Variants in SH3TC1 observed in about 807,000 individuals in gnomAD.
The protein encoded by SH3TC1 is SH3 domain and tetratricopeptide repeats 1, also known as SH3 domain and tetratricopeptide repeat-containing protein 1.
A neutral mutation model predicts 117.3 loss-of-function variants in SH3TC1; 135 were observed. The ratio of observed to expected loss-of-function variants is 1.15; its 90% CI spans 1.00 to 1.33. The LOEUF is 1.33. Among genes scored for constraint, SH3TC1 ranks in the 40% most tolerant of loss-of-function variants. The pLI is 0.00. For synonymous variants in SH3TC1, 898 were observed against 816.9 expected (o/e 1.10, Z -1.69); for missense variants, 2,092 against 1,794.3 (o/e 1.17, Z -3.00).
intron 1 of SH3TC1, chr4:8,182,273 C>G (rs1007514130): frequency 6.6e-6 from 1 of 152,228 alleles, no homozygotes; most frequent in African/African-American, 2.4e-5. Context: ...AGGCTAAAGC[C>G]CTCAGCCCCA....
At chr4:8,199,854 C>A (rs766344139) in intron 1 of SH3TC1, among the ~76,000 whole-genome samples, 1 of 152,202 alleles carries the variant, frequency 6.6e-6, no homozygotes, top group Non-Finnish European at 1.5e-5. Context: ...CACCCGGCAC[C>A]GCAGTGGCTA....
intron 17 of SH3TC1, 57 bp from the exon 18 acceptor site, chr4:8,240,641 C>T (rs1722243582): frequency 1.2e-6 from 2 of 1,605,668 alleles, no homozygotes; most frequent in South Asian, 1.1e-5. Context: ...CAGGAACGGC[C>T]TCTGGGGAGA....
chr4:8,228,082 C>G lies in SH3TC1; in HGVS notation c.2388C>G (p.Tyr796Ter). 6.2e-7 allele frequency: 1 copy of G among 1,607,708 alleles called. No individual in the cohort carries two copies. Among genetic ancestry groups the G allele is most frequent in the South Asian group, 1.1e-5 (1 of 90,382 alleles). ...TCTACACCAGCTTGGCCCAGCTGTA[C>G]AGCCACCATGGCTGCCACGGCCCGG... ...GPLYTSLAQL[Y>*]SHHGCHGPAI... The change falls in exon 12 of 18, where the codon TAC becomes TAG. Residue 796 changes from tyrosine to a stop codon, truncating the protein, a stop_gained. Transcript: ENST00000245105. LOFTEE classifies it high-confidence loss of function.
At chr4:8,217,640 T>G (rs1271616887) in intron 7 of SH3TC1, among the ~76,000 whole-genome samples, 2 of 152,196 alleles carry the variant, frequency 1.3e-5, no homozygotes, top group East Asian at 3.8e-4. Flanking sequence ...AACCTCAATC[T>G]CTTGATTTGC....
chr4:8,227,920 C>T lies in SH3TC1; in HGVS notation c.2226C>T (p.Ala742=), dbSNP rs138475779. The T allele has an allele frequency of 4.5e-4, 730 of 1,612,560 alleles. No individual in the cohort carries two copies. The highest frequency in any genetic ancestry group is 5.9e-4 in the Non-Finnish European group (702 of 1,179,914). Residue 742 remains alanine (A), a synonymous_variant, in exon 12 of 18, where the codon GCC becomes GCT. Transcript: ENST00000245105. The part of the protein sequence containing the change: ...VASLRTRGSL[A]GSLRSVNLVL... ...CATTGCGGACACGGGGCTCGCTGGC[C>T]GGCTCGCTGAGGAGTGTGAACCTGG...
Position 8,183,909 on chromosome 4 carries a change from G to A in SH3TC1, c.-57+1699G>A, listed in dbSNP as rs879699152. On this transcript the variant is annotated intron_variant, in intron 1 of 16. Coordinates refer to the SH3TC1 transcript ENST00000508641. This position sits in a 1 kb window ranked among gnomAD's most constrained non-coding sequence, Gnocchi z 5.4. ...CATGGTGGTGGGCATTCACCACCAT[G>A]CCCAACTAATTTTTGTATTTTTAGT... 1.1e-4 allele frequency among the ~76,000 whole-genome samples: 17 copies of A among 152,124 alleles called. No individual in the cohort carries two copies. The highest frequency in any genetic ancestry group is 2.2e-4 in the Non-Finnish European group (15 of 68,022).
chr4:8,213,727 G>A (rs1005348192), intron 4 of SH3TC1, among the ~76,000 whole-genome samples: 6 of 152,026 alleles, frequency 3.9e-5, no homozygotes, highest in Non-Finnish European at 4.4e-5. Flanking sequence ...GGGAGACCTC[G>A]TCTCTACAAA....
At chr4:8,214,670 C>T (rs59032130) in intron 5 of SH3TC1, 90 bp downstream of exon 5, 92,448 of 972,310 alleles carry the variant, frequency 0.095, 6,478 homozygotes, top group African/African-American at 0.31. Flanking sequence ...CAAACTGGTG[C>T]TTTGTTTATT....
chr4:8,222,391 T>TTTTC (rs1720017185), intron 9 of SH3TC1, among the ~76,000 whole-genome samples: 1 of 72,930 alleles, frequency 1.4e-5, no homozygotes, highest in African/African-American at 5.0e-5. Flanking sequence ...TTTTTTTTTT[T>TTTTC]CAGACAAAGT....
chr4:8,228,719 A>C, intron 12 of SH3TC1, 75 bp downstream of exon 12: 1 of 1,233,482 alleles, frequency 8.1e-7, no homozygotes, highest in Non-Finnish European at 1.1e-6. Context: ...TGTGATTCAG[A>C]CACAAGCGGT....
In SH3TC1 at chr4:8,209,589, G is replaced by C; in HGVS notation, c.173-159G>C. The C allele has an allele frequency of 6.6e-7, 1 of 1,521,958 alleles. No homozygotes were observed. The highest frequency in any genetic ancestry group is 8.8e-7 in the Non-Finnish European group (1 of 1,133,946). 94.3% of individuals were successfully genotyped at this position (1,521,958 alleles called of 1,614,324 possible). ...TGCAGGCAGCTTCCCTCCTTGCTGG[G>C]CTCTGGGGAGACTGGAGGAAGGCAG... On this transcript the variant is annotated intron_variant, in intron 2 of 17. Coordinates refer to ENST00000245105, the MANE Select transcript of SH3TC1 (RefSeq NM_018986.5). The surrounding 1 kb of genome is among the most constrained non-coding windows in gnomAD (Gnocchi z 5.9).
upstream of SH3TC1, among the ~76,000 whole-genome samples, chr4:8,194,821 C>T (rs919504359): frequency 2.0e-5 from 3 of 152,158 alleles, no homozygotes; most frequent in African/African-American, 4.8e-5. Flanking sequence ...CCCTGGAAAA[C>T]CCCAGACTCC....
At chr4:8,231,886 AG>A in intron 12 of SH3TC1, 89 bp from the exon 13 acceptor site, 1 of 1,452,420 alleles carries the variant, frequency 6.9e-7, no homozygotes, top group Non-Finnish European at 9.4e-7. Flanking sequence ...GAGGTGTGAA[AG>A]AGGCAAGCAC....
Position 8,210,066 on chromosome 4 carries a change from A to AC in SH3TC1, c.247+245dup, listed in dbSNP as rs1430887244. Among the ~76,000 whole-genome samples the AC allele has an allele frequency of 5.9e-5, 9 of 152,166 alleles. No individual in the cohort carries two copies. Among genetic ancestry groups the AC allele is most frequent in the African/African-American group, 2.2e-4 (9 of 41,444 alleles). The stretch of plus-strand genomic sequence containing the variant: ...GTGTGCACCTGCACAAACGGCAGAC[A>AC]CGGTCCTGGGGGCTCCGTGGGTGAC... On this transcript the variant is annotated intron_variant, in intron 3 of 17. Coordinates refer to ENST00000245105, the MANE Select transcript of SH3TC1 (RefSeq NM_018986.5). The surrounding 1 kb of genome is among the most constrained non-coding windows in gnomAD (Gnocchi z 4.1).
At position 8,211,522 on chromosome 4, in the gene SH3TC1, C is replaced by T. The variant is rs1467357642; in HGVS notation, c.248-1179C>T. Among the ~76,000 whole-genome samples the T allele has an allele frequency of 1.4e-4, 4 of 29,048 alleles. 1 individual carries two copies. In the Admixed American group the frequency reaches 2.8e-3, roughly 20 times the overall value. 19.1% of individuals were successfully genotyped at this position (29,048 alleles called of 152,430 possible). A position where few individuals can be genotyped will look rare whatever the true frequency, so the allele number is the denominator to read the frequency against. On this transcript the variant is annotated intron_variant, in intron 3 of 17. Transcript: ENST00000245105. ...TCCCCTCTCCCTGCTCTCCTTCTCC[C>T]CTTCTACTCCTCATTCTCTTCCCCT... is the stretch of plus-strand genomic sequence containing the variant.
rs1446338800 is a variant in SH3TC1 at position 8,240,803 on chromosome 4, T to G, written c.3859T>G (p.Tyr1287Asp). 1 of 1,614,130 alleles carries G rather than the reference T, an allele frequency of 6.2e-7. No homozygotes were observed. Among genetic ancestry groups the G allele is most frequent in the Non-Finnish European group, 8.5e-7 (1 of 1,180,034 alleles). Reference protein sequence around the residue: ...LKIYTRLATIYHNFLLDREKS... With the variant: ...LKIYTRLATIDHNFLLDREKS... ...GATCTACACGCGGCTGGCCACCATC[T>G]ACCACAACTTCCTCCTGGACCGTGA... The change falls in exon 18 of 18, where the codon TAC (tyrosine) becomes GAC (aspartate). Residue 1287 changes from tyrosine to aspartate, a missense_variant. Transcript: ENST00000245105.
Position 8,227,828 on chromosome 4 carries a change from C to T in SH3TC1, c.2134C>T (p.Leu712Phe), listed in dbSNP as rs370112732. 22 of 1,612,696 alleles carry T rather than the reference C, an allele frequency of 1.4e-5. 1 individual carries two copies. In the South Asian group the frequency reaches 1.9e-4, roughly 14 times the overall value. The change falls in exon 12 of 18, where the codon CTC becomes TTC. Residue 712 changes from leucine (L) to phenylalanine (F), a missense_variant. Leu to Phe is a conservative substitution (Grantham distance 22). Transcript: ENST00000245105. ...EAAWLSDCYLLLADIYSRKCL... is the reference protein window; with the variant it reads ...EAAWLSDCYLFLADIYSRKCL... ...CGCGTGGCTCTCAGACTGCTACCTA[C>T]TCCTGGCTGACATCTACAGCCGCAA...
intron 1 of SH3TC1, among the ~76,000 whole-genome samples, chr4:8,193,875 A>G (rs1286401331): frequency 6.6e-6 from 1 of 152,250 alleles, no homozygotes; most frequent in African/African-American, 2.4e-5. Flanking sequence ...TTCTGAGCCC[A>G]AGATGATTCA....
At position 8,225,800 on chromosome 4, in the gene SH3TC1, G is replaced by A. The variant is rs1238705627; in HGVS notation, c.1285+584G>A. 6.6e-6 allele frequency among the ~76,000 whole-genome samples: 1 copy of A among 152,182 alleles called. No homozygotes were observed. The highest frequency in any genetic ancestry group is 1.5e-5 in the Non-Finnish European group (1 of 68,030). ...TTCCCTGGGAATGGGATCCATTCCA[G>A]TACATTTGGGATGCAGGCAGGAGGT... On this transcript the variant is annotated intron_variant, in intron 11 of 17. Transcript: ENST00000245105. The surrounding 1 kb of genome is among the most constrained non-coding windows in gnomAD (Gnocchi z 5.5).
Sources: allele counts gnomAD v4.1 joint callset (sites outside exome capture counted in the v4.1 genomes callset), GRCh38; gene constraint gnomAD v4.1.1; non-coding constraint Gnocchi (gnomAD v3.1); transcripts MANE v1.5; gene names NCBI Gene and HGNC (gene_info 2026-07-23, HGNC 2026-07-21).